Variants in GRID1 observed in about 807,000 individuals in gnomAD.
The protein encoded by GRID1 is glutamate receptor ionotropic, delta-1.
A neutral mutation model predicts 98.0 loss-of-function variants in GRID1; 28 were observed. That is an observed-to-expected ratio of 0.29 (90% CI 0.21 to 0.39). GRID1 has a LOEUF of 0.39. Among genes scored for constraint, GRID1 ranks in the 10% least tolerant of loss-of-function variants. GRID1 has a pLI of 1.00. For missense variants in GRID1, 1,111 were observed against 1,340.5 expected (o/e 0.83, Z 2.67); for synonymous variants, 553 against 538.5 (o/e 1.03, Z -0.37).
chr10:86,126,450 G>A (rs111711618), intron 4 of GRID1, among the ~76,000 whole-genome samples: 168 of 150,864 alleles, frequency 1.1e-3, no homozygotes, highest in Middle Eastern at 3.4e-3. Context: ...GTGAGACTCC[G>A]TCTCAAAAAC....
At chr10:86,226,468 C>CCCTCACTCCCACCCCAGCAT (rs1846349353) in intron 2 of GRID1, among the ~76,000 whole-genome samples, 1 of 22,698 alleles carries the variant, frequency 4.4e-5, no homozygotes, top group African/African-American at 1.7e-4. Flanking sequence ...CACCCCAGCA[C>CCCTCACTCCCACCCCAGCAT]ACCCTCCCAC....
chr10:86,092,043 A>G (rs972089293), intron 4 of GRID1, among the ~76,000 whole-genome samples: 10 of 152,210 alleles, frequency 6.6e-5, no homozygotes, highest in Non-Finnish European at 4.4e-5. Flanking sequence ...AGGAACCAGA[A>G]GACCAACCCT....
chr10:85,701,957 C>T (rs1841456351), intron 12 of GRID1, among the ~76,000 whole-genome samples: 1 of 151,782 alleles, frequency 6.6e-6, no homozygotes, highest in Non-Finnish European at 1.5e-5. Context: ...TCCCCAACAA[C>T]CAATGGGGAA....
chr10:86,035,039 T>C (rs1843240326), intron 4 of GRID1, among the ~76,000 whole-genome samples: 1 of 151,746 alleles, frequency 6.6e-6, no homozygotes, highest in Non-Finnish European at 1.5e-5. Flanking sequence ...ATCTAGGATC[T>C]AGGCTCCAGG....
intron 12 of GRID1, chr10:85,650,329 T>G (rs965426394): frequency 2.0e-5 from 3 of 152,198 alleles, no homozygotes; most frequent in African/African-American, 7.2e-5. Flanking sequence ...TTAGAACTTT[T>G]CTGAAGTCAG....
At chr10:85,716,460 T>A (rs1205035215) in intron 12 of GRID1, among the ~76,000 whole-genome samples, 1 of 151,956 alleles carries the variant, frequency 6.6e-6, no homozygotes, top group East Asian at 1.9e-4. Context: ...TACCTAATGC[T>A]AAATGACGAG....
intron 4 of GRID1, among the ~76,000 whole-genome samples, chr10:86,020,104 A>T (rs59045559): frequency 0.022 from 3,427 of 152,328 alleles, 140 homozygotes; most frequent in African/African-American, 0.078. Context: ...TAATGTCAAC[A>T]AGCACGTTTA....
chr10:85,855,130 C>T (rs1450805648), intron 7 of GRID1, among the ~76,000 whole-genome samples: 2 of 152,264 alleles, frequency 1.3e-5, no homozygotes, highest in Admixed American at 1.3e-4. Flanking sequence ...CCACCTTGGG[C>T]ACATTGCCCA....
At chr10:85,841,793 T>C (rs1479894626) in intron 8 of GRID1, among the ~76,000 whole-genome samples, 2 of 151,952 alleles carry the variant, frequency 1.3e-5, no homozygotes, top group Non-Finnish European at 2.9e-5. Context: ...CTCACACCAA[T>C]CAAAATGGCT....
chr10:86,067,862 G>C (rs1843742471), intron 4 of GRID1, among the ~76,000 whole-genome samples: 1 of 152,156 alleles, frequency 6.6e-6, no homozygotes, highest in African/African-American at 2.4e-5. Context: ...ACTCAGCTGA[G>C]ACCCCGCTGT....
chr10:85,804,433 C>T (rs1448709814), intron 8 of GRID1, among the ~76,000 whole-genome samples: 1 of 151,780 alleles, frequency 6.6e-6, no homozygotes, highest in Non-Finnish European at 1.5e-5. Flanking sequence ...TTTACACAAC[C>T]ATATGGGAAC....
intron 4 of GRID1, among the ~76,000 whole-genome samples, chr10:85,956,058 TGTGGTTACTCA>T (rs1263538456): frequency 6.6e-6 from 1 of 152,244 alleles, no homozygotes; most frequent in Non-Finnish European, 1.5e-5. Context: ...ATAGTCCTGA[TGTGGTTACTCA>T]GGGCATGCAA....
At chr10:86,167,997 T>A (rs868373258) in intron 3 of GRID1, among the ~76,000 whole-genome samples, 1 of 152,104 alleles carries the variant, frequency 6.6e-6, no homozygotes, top group Non-Finnish European at 1.5e-5. Flanking sequence ...TTGAGCACAC[T>A]GTGTGTGGTG....
chr10:85,817,360 C>G (rs1842725102), intron 8 of GRID1, among the ~76,000 whole-genome samples: 1 of 150,980 alleles, frequency 6.6e-6, no homozygotes, highest in African/African-American at 2.4e-5. Flanking sequence ...AGACCCATCT[C>G]TACAAAAAAT....
chr10:85,789,534 G>A (rs982129572), intron 8 of GRID1, among the ~76,000 whole-genome samples: 2 of 152,142 alleles, frequency 1.3e-5, no homozygotes, highest in African/African-American at 4.8e-5. Context: ...CCTGTGCAGT[G>A]CCCAGATCCA....
intron 3 of GRID1, among the ~76,000 whole-genome samples, chr10:86,147,623 T>C (rs1845106853): frequency 1.3e-5 from 2 of 152,116 alleles, no homozygotes; most frequent in Non-Finnish European, 2.9e-5. Context: ...GGAGCTGGGG[T>C]AACTGGCTAG....
At chr10:86,009,496 G>T (rs1347719727) in intron 4 of GRID1, among the ~76,000 whole-genome samples, 1 of 152,160 alleles carries the variant, frequency 6.6e-6, no homozygotes, top group Non-Finnish European at 1.5e-5. Flanking sequence ...CAATCCATCT[G>T]CTGGAACCAA....
intron 4 of GRID1, among the ~76,000 whole-genome samples, chr10:86,096,087 T>C (rs932733183): frequency 1.3e-5 from 2 of 152,194 alleles, no homozygotes; most frequent in African/African-American, 4.8e-5. Context: ...CTAAGTGATG[T>C]AATTCAGAAA....
chr10:86,090,426 T>A (rs1844129012), intron 4 of GRID1, among the ~76,000 whole-genome samples: 1 of 147,198 alleles, frequency 6.8e-6, no homozygotes, highest in East Asian at 2.0e-4. Context: ...AAATAAAAAA[T>A]AAAAAGATAT....
Sources: allele counts gnomAD v4.1 joint callset (sites outside exome capture counted in the v4.1 genomes callset), GRCh38; gene constraint gnomAD v4.1.1; transcripts MANE v1.5; gene names NCBI Gene and HGNC (gene_info 2026-07-23, HGNC 2026-07-21).